INPP5A: variants seen among roughly 807,000 people sequenced by gnomAD.
The protein encoded by INPP5A is 43 kDa inositol polyphosphate 5-phophatase.
INPP5A carries 14 observed loss-of-function variants against 65.2 expected under a neutral mutation model. The ratio of observed to expected loss-of-function variants is 0.21; its 90% confidence interval spans 0.14 to 0.34. The LOEUF (loss-of-function observed/expected upper bound fraction) is 0.34. INPP5A is among the 10% of genes least tolerant of loss of function. The pLI is 1.00. For synonymous variants in INPP5A, 207 were observed against 208.3 expected (o/e 0.99, Z 0.05); for missense variants, 431 against 545.6 (o/e 0.79, Z 2.09).
intron 6 of INPP5A, among the ~76,000 whole-genome samples, chr10:132,701,428 C>T (rs1845435667): frequency 6.6e-6 from 1 of 152,234 alleles, no homozygotes; most frequent in African/African-American, 2.4e-5. Context: ...CCAGAAAGTT[C>T]CCGCACACAG....
chr10:132,671,106 A>G (rs1439045243), intron 4 of INPP5A, among the ~76,000 whole-genome samples: 1 of 152,036 alleles, frequency 6.6e-6, no homozygotes, highest in Non-Finnish European at 1.5e-5. Context: ...TGGAAGCAGC[A>G]GGTGGCCCAC....
At chr10:132,699,056 C>G (rs1040378379) in intron 6 of INPP5A, among the ~76,000 whole-genome samples, 20 of 152,366 alleles carry the variant, frequency 1.3e-4, no homozygotes, top group African/African-American at 4.8e-4. Context: ...GTTTGCCTCC[C>G]TCCGCTCCGG....
At chr10:132,601,525 CT>C (rs1417307526) in intron 1 of INPP5A, among the ~76,000 whole-genome samples, 1 of 152,174 alleles carries the variant, frequency 6.6e-6, no homozygotes, top group East Asian at 1.9e-4. Context: ...TCTGTTTTTC[CT>C]TTTGTTGCCT....
In INPP5A at chr10:132,591,142, C is replaced by T. The variant is rs11146426; in HGVS notation, c.76-16773C>T. Among the ~76,000 whole-genome samples, 1,240 of 152,292 alleles carry T rather than the reference C, an allele frequency of 8.1e-3. 14 individuals carry two copies. Among genetic ancestry groups the T allele is most frequent in the African/African-American group, 0.028 (1,177 of 41,558 alleles). ...TGTTTTGTTTTGTATTTTCCCTTGA[C>T]TTTTAAGAGTTCTTTCAATTGCAAG... On this transcript the variant is annotated intron_variant, in intron 1 of 15. Transcript: ENST00000368594.
intron 11 of INPP5A, among the ~76,000 whole-genome samples, chr10:132,764,742 G>A (rs541626782): frequency 7.5e-4 from 102 of 136,400 alleles, no homozygotes; most frequent in African/African-American, 2.7e-3. Context: ...GAACACGGTC[G>A]GGCCAGTCCT....
In INPP5A at chr10:132,710,476, T is replaced by C. The variant is rs776376677; in HGVS notation, c.647+20T>C. 1 of 1,610,214 alleles carries C rather than the reference T, an allele frequency of 6.2e-7. No individual in the cohort carries two copies. The highest frequency in any genetic ancestry group is 1.1e-5 in the South Asian group (1 of 90,630). ...GGACAGGTAGGTGTGGGCGGGCAGG[T>C]AGGCGTGGGCCGGGCAAGTAGGTGT... On this transcript the variant is annotated intron_variant, in intron 8 of 15. Coordinates refer to ENST00000368594, the MANE Select transcript of INPP5A (RefSeq NM_005539.5).
Position 132,663,057 on chromosome 10 carries a change from TTC to T in INPP5A, c.306+12553_306+12554del, listed in dbSNP as rs2072756560. Reference sequence around the variant, plus strand: ...CAGATTTAATGGAAAAGGGAAGTACTTCCATCAGCAGCTGGCCCCTCGAACGG... The same window carrying T: ...CAGATTTAATGGAAAAGGGAAGTACTCATCAGCAGCTGGCCCCTCGAACGG... On this transcript the variant is annotated intron_variant, in intron 4 of 15. Transcript: ENST00000368594. This position sits in a 1 kb window ranked among gnomAD's most constrained non-coding sequence, Gnocchi z 4.5. Among the ~76,000 whole-genome samples the T allele has an allele frequency of 6.6e-6, 1 of 152,182 alleles. No individual in the cohort carries two copies. The highest frequency in any genetic ancestry group is 2.4e-5 in the African/African-American group (1 of 41,434).
chr10:132,712,251 A>T (rs542883434), intron 8 of INPP5A, among the ~76,000 whole-genome samples: 3 of 151,496 alleles, frequency 2.0e-5, no homozygotes, highest in African/African-American at 7.3e-5. Flanking sequence ...TGTGCATGCA[A>T]TTATGTATGT....
At chr10:132,735,164 C>G (rs901336955) in intron 9 of INPP5A, among the ~76,000 whole-genome samples, 1 of 152,198 alleles carries the variant, frequency 6.6e-6, no homozygotes, top group Non-Finnish European at 1.5e-5. Flanking sequence ...CTGCAACCCC[C>G]CGTGTGGAGA....
intron 12 of INPP5A, among the ~76,000 whole-genome samples, chr10:132,768,552 C>T (rs1028998292): frequency 6.6e-6 from 1 of 152,248 alleles, no homozygotes; most frequent in Non-Finnish European, 1.5e-5. Context: ...GGCTCGTCCA[C>T]CTGCCGCCTC....
At chr10:132,579,897 C>A (rs1200685266) in intron 1 of INPP5A, among the ~76,000 whole-genome samples, 1 of 151,342 alleles carries the variant, frequency 6.6e-6, no homozygotes, top group Non-Finnish European at 1.5e-5. Flanking sequence ...AGCTCAGCCA[C>A]CATGCCTTGC....
intron 1 of INPP5A, among the ~76,000 whole-genome samples, chr10:132,601,854 C>G (rs1344276739): frequency 1.4e-5 from 2 of 143,410 alleles, no homozygotes; most frequent in Non-Finnish European, 3.1e-5. Flanking sequence ...GCCAGGACCA[C>G]ACTGTTTTGA....
chr10:132,780,234 C>T (rs1565016760), intron 13 of INPP5A, among the ~76,000 whole-genome samples: 2 of 152,232 alleles, frequency 1.3e-5, no homozygotes, highest in Non-Finnish European at 2.9e-5. Context: ...GAGTGCTGAC[C>T]AGCAGCAAAC....
In INPP5A at chr10:132,650,269, C is replaced by T. The variant is rs573252959; in HGVS notation, c.219-149C>T. 22 of 639,274 alleles carry T rather than the reference C, an allele frequency of 3.4e-5. No individual in the cohort carries two copies. The highest frequency in any genetic ancestry group is 3.3e-4 in the African/African-American group (18 of 55,242). The allele number at this position is 639,274 out of a possible 1,614,324, so 39.6% of individuals were successfully genotyped here. On this transcript the variant is annotated intron_variant, in intron 3 of 15. Transcript: ENST00000368594. This position sits in a 1 kb window ranked among gnomAD's most constrained non-coding sequence, Gnocchi z 5.5. ...TGAGGCCAGCTCCTGCGGTGGCTGC[C>T]GCCATTCCCTGCCCTCTGCCTGTCA...
intron 8 of INPP5A, among the ~76,000 whole-genome samples, chr10:132,725,275 C>G (rs1394321331): frequency 6.6e-6 from 1 of 152,216 alleles, no homozygotes; most frequent in Non-Finnish European, 1.5e-5. Flanking sequence ...TGGTTCCACC[C>G]GCACTCAGTC....
chr10:132,689,503 T>C (rs1004865916), intron 4 of INPP5A, among the ~76,000 whole-genome samples: 2 of 152,208 alleles, frequency 1.3e-5, no homozygotes, highest in Admixed American at 6.5e-5. Flanking sequence ...TTCGCCCTCT[T>C]TGGGGTATAA....
intron 1 of INPP5A, among the ~76,000 whole-genome samples, chr10:132,544,091 C>T (rs2070938605): frequency 6.6e-6 from 1 of 152,268 alleles, no homozygotes; most frequent in Non-Finnish European, 1.5e-5. Context: ...TCCCAGGGTT[C>T]TGGTTTCTGC....
intron 1 of INPP5A, among the ~76,000 whole-genome samples, chr10:132,607,689 A>G (rs923327479): frequency 2.0e-5 from 3 of 152,342 alleles, no homozygotes; most frequent in African/African-American, 7.2e-5. Context: ...GACAGAGTGC[A>G]TCGTGCACCA....
At chr10:132,554,129 G>A (rs1263889722) in intron 1 of INPP5A, among the ~76,000 whole-genome samples, 1 of 152,164 alleles carries the variant, frequency 6.6e-6, no homozygotes, top group African/African-American at 2.4e-5. Flanking sequence ...GGGAGGATTC[G>A]AGGGCGCCTC....
Sources: gnomAD v4.1 joint callset for allele counts (sites outside exome capture counted in the v4.1 genomes callset) on GRCh38, gnomAD v4.1.1 for gene constraint, Gnocchi (gnomAD v3.1) non-coding constraint, MANE v1.5 for transcripts, NCBI Gene and HGNC (gene_info 2026-07-23, HGNC 2026-07-21) for gene names.